Variants in GOT1 observed in about 807,000 individuals in gnomAD.
GOT1 encodes glutamic-oxaloacetic transaminase 1, also known as aspartate aminotransferase, cytoplasmic.
A neutral mutation model predicts 48.2 loss-of-function variants in GOT1; 25 were observed. The observed-to-expected ratio is 0.52, with a 90% CI of 0.38 to 0.72. The LOEUF (loss-of-function observed/expected upper bound fraction) is 0.72. Ranked by LOEUF, GOT1 falls within the 30% of genes least tolerant of loss-of-function variation. The probability of loss-of-function intolerance (pLI) is 0.00; values close to 1 mark genes in which losing one functional copy is unlikely to be tolerated. For missense variants in GOT1, 380 were observed against 520.1 expected (o/e 0.73, Z 2.62); for synonymous variants, 188 against 193.8 (o/e 0.97, Z 0.25).
Position 99,420,637 on chromosome 10 carries a change from A to C in GOT1, c.287T>G (p.Leu96Arg). ...CCCAAAACTTACCCGCTTCTCCTTG[A>C]GTGCTGGGCTGTCATCCCCAAGGGC... ...RLALGDDSPALKEKRVGGVQS... is the reference protein window; with the variant it reads ...RLALGDDSPARKEKRVGGVQS... The change falls in exon 2 of 9, where the codon CTC becomes CGC. Residue 96 changes from leucine (L) to arginine (R), a missense_variant. Transcript: ENST00000370508. 6.2e-7 allele frequency: 1 copy of C among 1,610,496 alleles called. No individual in the cohort carries two copies. Among genetic ancestry groups the C allele is most frequent in the Non-Finnish European group, 8.5e-7 (1 of 1,178,780 alleles).
rs1387263190 is a variant in GOT1 at position 99,430,534 on chromosome 10, G to A, written c.32C>T (p.Pro11Leu). 3.1e-6 allele frequency: 5 copies of A among 1,608,394 alleles called. No homozygotes were observed. Among genetic ancestry groups the A allele is most frequent in the East Asian group, 2.2e-5 (1 of 44,748 alleles). The change falls in exon 1 of 9, where the codon CCG (proline) becomes CTG (leucine). Residue 11 changes from proline (P) to leucine (L), a missense_variant. Pro to Leu is a moderately conservative substitution (Grantham distance 98). Transcript: ENST00000370508. Reference protein sequence around the residue: MAPPSVFAEVPQAQPVLVFKL... With the variant: MAPPSVFAEVLQAQPVLVFKL... Reference sequence around the variant, plus strand: ...GAAGACCAGGACAGGCTGGGCCTGCGGAACCTCGGCAAAGACTGACGGAGG... The same window carrying A: ...GAAGACCAGGACAGGCTGGGCCTGCAGAACCTCGGCAAAGACTGACGGAGG...
intron 4 of GOT1, 72 bp from the exon 5 acceptor site, chr10:99,405,932 G>A: frequency 1.1e-6 from 1 of 924,318 alleles, no homozygotes; most frequent in Non-Finnish European, 1.8e-6. Flanking sequence ...CAGCAGATTG[G>A]TCAGTGATGG....
At chr10:99,408,692 C>T (rs2032792701) in intron 2 of GOT1, among the ~76,000 whole-genome samples, 1 of 152,186 alleles carries the variant, frequency 6.6e-6, no homozygotes, top group Non-Finnish European at 1.5e-5. Flanking sequence ...GCCCTCCAGC[C>T]TGGGCAACAC....
At chr10:99,415,898 ATGCTAAAAACTCTCAATAAATTAGGTAT>A (rs1179809923) in intron 2 of GOT1, among the ~76,000 whole-genome samples, 2 of 152,236 alleles carry the variant, frequency 1.3e-5, no homozygotes, top group African/African-American at 4.8e-5. Flanking sequence ...ACAGCCGTTC[ATGCTAAAAACTCTCAATAAATTAGGTAT>A]TGATGGGACG....
chr10:99,407,508 C>A (rs1342787656), intron 2 of GOT1, among the ~76,000 whole-genome samples: 1 of 151,292 alleles, frequency 6.6e-6, no homozygotes, highest in Non-Finnish European at 1.5e-5. Context: ...TCTCAGCTAA[C>A]TGCAACTTCC....
chr10:99,406,261 G>A lies in GOT1; in HGVS notation c.425-12C>T. ...AGCATTGTGATTCTCTGCATGCAAA[G>A]AAGTAAAAAGTTAAGCACTTTACAA... On this transcript the variant is annotated splice_polypyrimidine_tract_variant and intron_variant, in intron 3 of 8. Transcript: ENST00000370508. 6.3e-7 allele frequency: 1 copy of A among 1,588,810 alleles called. No individual in the cohort carries two copies. The highest frequency in any genetic ancestry group is 8.6e-7 in the Non-Finnish European group (1 of 1,156,948).
chr10:99,421,334 C>G (rs539432983), intron 1 of GOT1, among the ~76,000 whole-genome samples: 1 of 152,252 alleles, frequency 6.6e-6, no homozygotes, highest in South Asian at 2.1e-4. Flanking sequence ...CTCCTCTTGT[C>G]CCAGAGGAAC....
At chr10:99,414,670 A>C (rs113865756) in intron 2 of GOT1, among the ~76,000 whole-genome samples, 4 of 152,210 alleles carry the variant, frequency 2.6e-5, no homozygotes, top group Non-Finnish European at 5.9e-5. Context: ...ACTTATTTCA[A>C]AATTGACCAC....
intron 2 of GOT1, among the ~76,000 whole-genome samples, chr10:99,417,909 G>A (rs532667986): frequency 3.9e-5 from 6 of 152,152 alleles, no homozygotes; most frequent in East Asian, 3.9e-4. Context: ...TGTGGGGTGC[G>A]GAGAGGGGGG....
chr10:99,414,673 T>C (rs1355528402), intron 2 of GOT1, among the ~76,000 whole-genome samples: 2 of 152,040 alleles, frequency 1.3e-5, no homozygotes, highest in African/African-American at 2.4e-5. Context: ...TATTTCAAAA[T>C]TGACCACATA....
rs2032753359 is a variant in GOT1 at position 99,406,225 on chromosome 10, G to A, written c.449C>T (p.Ala150Val). The change falls in exon 4 of 9, where the codon GCT (alanine) becomes GTT (valine). Residue 150 changes from alanine (A) to valine (V), a missense_variant. Physicochemically the swap from Ala to Val is moderately conservative, Grantham distance 64 (BLOSUM62 0). Transcript: ENST00000370508. ...GGACCGAATGTCTTTAAAACCAGCA[G>A]CGGAAAACACAGCATTGTGATTCTC... Reference protein sequence around the residue: ...TWENHNAVFSAAGFKDIRSYR... With the variant: ...TWENHNAVFSVAGFKDIRSYR... The A allele has an allele frequency of 6.2e-7, 1 of 1,613,546 alleles. No individual in the cohort carries two copies. The highest frequency in any genetic ancestry group is 8.5e-7 in the Non-Finnish European group (1 of 1,179,476).
Position 99,397,690 on chromosome 10 carries a change from T to C in GOT1, c.1103-4A>G. ...ACCAGATACTCAACCTGCTTGGCTGTTGAAAACCAAAAGAAGACATAATCA... is the reference window on the plus strand; with the variant it reads ...ACCAGATACTCAACCTGCTTGGCTGCTGAAAACCAAAAGAAGACATAATCA... On this transcript the variant is annotated splice_region_variant and splice_polypyrimidine_tract_variant and intron_variant, in intron 8 of 8. Coordinates refer to ENST00000370508, the MANE Select transcript of GOT1 (RefSeq NM_002079.3). The surrounding 1 kb of genome is among the most constrained non-coding windows in gnomAD (Gnocchi z 5.4). 4 of 1,614,010 alleles carry C rather than the reference T, an allele frequency of 2.5e-6. No individual in the cohort carries two copies. The highest frequency in any genetic ancestry group is 3.4e-6 in the Non-Finnish European group (4 of 1,179,876).
At chr10:99,413,526 A>G (rs559586087) in intron 2 of GOT1, among the ~76,000 whole-genome samples, 3 of 152,350 alleles carry the variant, frequency 2.0e-5, no homozygotes, top group African/African-American at 7.2e-5. Flanking sequence ...GCAGGATATT[A>G]TCCAGGAGAA....
At chr10:99,429,503 C>T (rs1157280936) in intron 1 of GOT1, among the ~76,000 whole-genome samples, 2 of 152,106 alleles carry the variant, frequency 1.3e-5, no homozygotes, top group Non-Finnish European at 2.9e-5. Flanking sequence ...AGTCTATTAC[C>T]TAGCATAAGA....
chr10:99,399,248 A>G (rs1185270552), intron 8 of GOT1, among the ~76,000 whole-genome samples: 2 of 152,108 alleles, frequency 1.3e-5, no homozygotes, highest in East Asian at 3.9e-4. Context: ...AAAGGTCTAA[A>G]AGAAATAGAC....
chr10:99,422,238 T>C lies in GOT1; in HGVS notation c.119-1433A>G, dbSNP rs185808099. On this transcript the variant is annotated intron_variant, in intron 1 of 8. Coordinates refer to ENST00000370508, the MANE Select transcript of GOT1 (RefSeq NM_002079.3). ...TGCTGGGCCATGTGAAGGTGCTTGCTTGCGCTTCACTCTTCCTCCATGATT... is the reference window on the plus strand; with the variant it reads ...TGCTGGGCCATGTGAAGGTGCTTGCCTGCGCTTCACTCTTCCTCCATGATT... 3.0e-4 allele frequency among the ~76,000 whole-genome samples: 45 copies of C among 152,338 alleles called. 1 individual carries two copies. Among genetic ancestry groups the C allele is most frequent in the Admixed American group, 2.4e-3 (36 of 15,296 alleles).
At chr10:99,410,818 A>T (rs1002382542) in intron 2 of GOT1, among the ~76,000 whole-genome samples, 2 of 152,372 alleles carry the variant, frequency 1.3e-5, no homozygotes, top group Non-Finnish European at 1.5e-5. Context: ...AAGTAAGTAC[A>T]GACTTCTCAA....
intron 2 of GOT1, among the ~76,000 whole-genome samples, chr10:99,418,858 G>C (rs1204183468): frequency 1.3e-5 from 2 of 152,096 alleles, no homozygotes; most frequent in African/African-American, 2.4e-5. Flanking sequence ...AGAAACACTG[G>C]ATTTTCAGAA....
chr10:99,416,987 C>T (rs1386687903), intron 2 of GOT1, among the ~76,000 whole-genome samples: 1 of 152,180 alleles, frequency 6.6e-6, no homozygotes, highest in Admixed American at 6.5e-5. Context: ...TAGAAGAAAA[C>T]CTAGGCAATA....
Sources: allele counts gnomAD v4.1 joint callset (sites outside exome capture counted in the v4.1 genomes callset), GRCh38; gene constraint gnomAD v4.1.1; non-coding constraint Gnocchi (gnomAD v3.1); transcripts MANE v1.5; gene names NCBI Gene and HGNC (gene_info 2026-07-23, HGNC 2026-07-21).